Variants in DNAH3 observed in about 807,000 individuals in gnomAD.
The protein encoded by DNAH3 is axonemal beta dynein heavy chain 3.
Under a neutral mutation model 432.5 loss-of-function variants are expected in DNAH3, and 332 were observed. The ratio of observed to expected loss-of-function variants is 0.77; its 90% confidence interval spans 0.70 to 0.84. The LOEUF (loss-of-function observed/expected upper bound fraction) is 0.84. DNAH3 is among the 40% of genes least tolerant of loss of function. DNAH3 has a pLI of 0.00. For missense variants in DNAH3, 4,861 were observed against 5,114.0 expected, an observed-to-expected ratio of 0.95 and a Z score of 1.51; for synonymous variants, 1,956 against 1,900.2, an observed-to-expected ratio of 1.03 and a Z score of -0.76.
intron 31 of DNAH3, 31 bp downstream of exon 31, chr16:21,049,535 GCTT>G: frequency 6.3e-7 from 1 of 1,584,362 alleles, no homozygotes; most frequent in Non-Finnish European, 8.7e-7. Context: ...TCCATGCACA[GCTT>G]CTTTGTTCTG....
chr16:21,036,422 C>T (rs1259494764), intron 35 of DNAH3, among the ~76,000 whole-genome samples: 2 of 151,930 alleles, frequency 1.3e-5, no homozygotes, highest in Non-Finnish European at 2.9e-5. Context: ...TTTCTTTCTT[C>T]TTTTTTTTAA....
Position 20,987,460 on chromosome 16 carries a change from G to T in DNAH3, c.6883-12C>A, listed in dbSNP as rs1002734930. 6.2e-7 allele frequency: 1 copy of T among 1,613,818 alleles called. No individual in the cohort carries two copies. The highest frequency in any genetic ancestry group is 1.7e-5 in the Admixed American group (1 of 59,964). ...CATTTTTCTACATCCTAAAAATCCAGAGTTAATTATTCAAACGAGTGGAAG... is the reference window on the plus strand; with the variant it reads ...CATTTTTCTACATCCTAAAAATCCATAGTTAATTATTCAAACGAGTGGAAG... On this transcript the variant is annotated splice_polypyrimidine_tract_variant and intron_variant, in intron 46 of 61. Transcript: ENST00000261383.
At chr16:21,147,161 A>G (rs13339316) in intron 1 of DNAH3, among the ~76,000 whole-genome samples, 68,892 of 151,418 alleles carry the variant, frequency 0.45, 15,902 homozygotes, top group East Asian at 0.68. Flanking sequence ...TTCTGAGGAC[A>G]TCCCCAGTAC....
chr16:21,024,571 G>A, intron 39 of DNAH3, 25 bp downstream of exon 39: 1 of 1,532,866 alleles, frequency 6.5e-7, no homozygotes, highest in Non-Finnish European at 8.9e-7. Context: ...AGCAGGAGGG[G>A]AAGGAAAGGG....
At chr16:20,963,627 T>C (rs967136374) in exon 53 of DNAH3, 12 of 1,613,934 alleles carry the variant, frequency 7.4e-6, no homozygotes, top group Admixed American at 3.3e-5. Context: ...TCTCTGCCCA[T>C]GCCTTCTCAG....
chr16:20,952,491 G>T (rs777950411), exon 56 of DNAH3: 1 of 1,613,550 alleles, frequency 6.2e-7, no homozygotes, highest in East Asian at 2.2e-5. Flanking sequence ...GAAACATCTG[G>T]ATCTGCCACA....
intron 19 of DNAH3, 41 bp from the exon 20 acceptor site, chr16:21,081,768 C>T: frequency 6.6e-7 from 1 of 1,520,318 alleles, no homozygotes; most frequent in Non-Finnish European, 9.1e-7. Flanking sequence ...TTGTCCGAGG[C>T]AGTGCTGTCC....
intron 9 of DNAH3, among the ~76,000 whole-genome samples, chr16:21,123,453 AT>A (rs1343674846): frequency 6.6e-6 from 1 of 152,178 alleles, no homozygotes; most frequent in Non-Finnish European, 1.5e-5. Flanking sequence ...TTTGTGTGGA[AT>A]TTTAGAGTGA....
At chr16:20,964,875 T>C in exon 53 of DNAH3, 2 of 1,614,158 alleles carry the variant, frequency 1.2e-6, no homozygotes, top group African/African-American at 1.3e-5. Flanking sequence ...CCACAGTTCC[T>C]GAGGACAGCA....
chr16:20,998,172 AT>A, intron 43 of DNAH3, among the ~76,000 whole-genome samples: 1 of 152,210 alleles, frequency 6.6e-6, no homozygotes, highest in Non-Finnish European at 1.5e-5. Flanking sequence ...AGAGTATTTA[AT>A]TTGACCAGCA....
chr16:21,126,179 C>CA (rs1458405554), intron 8 of DNAH3, among the ~76,000 whole-genome samples: 1 of 137,810 alleles, frequency 7.3e-6, no homozygotes, highest in African/African-American at 2.8e-5. Context: ...AACAAACAAA[C>CA]AACAACAAAC....
chr16:20,989,187 G>C (rs915135762), intron 44 of DNAH3, among the ~76,000 whole-genome samples: 10 of 152,182 alleles, frequency 6.6e-5, no homozygotes, highest in African/African-American at 1.4e-4. Flanking sequence ...TGGTAGAGCC[G>C]AGTGGTCTGT....
chr16:21,140,676 G>A, exon 5 of DNAH3: 1 of 1,614,038 alleles, frequency 6.2e-7, no homozygotes, highest in Non-Finnish European at 8.5e-7. Flanking sequence ...TTCTTCATGG[G>A]TGAGAAGATT....
intron 21 of DNAH3, among the ~76,000 whole-genome samples, chr16:21,074,451 C>A (rs1325870481): frequency 6.6e-6 from 1 of 152,164 alleles, no homozygotes; most frequent in Non-Finnish European, 1.5e-5. Context: ...TGGTGGCTCA[C>A]ACCTGTAATC....
chr16:21,137,739 C>G (rs540882238), intron 5 of DNAH3, among the ~76,000 whole-genome samples: 1 of 152,154 alleles, frequency 6.6e-6, no homozygotes, highest in Admixed American at 6.5e-5. Flanking sequence ...TCTTCTTACC[C>G]AAGCAAGGGC....
chr16:21,059,500 C>A (rs2090265440), intron 26 of DNAH3, among the ~76,000 whole-genome samples: 1 of 152,108 alleles, frequency 6.6e-6, no homozygotes, highest in Admixed American at 6.6e-5. Flanking sequence ...GTCAGCCGGG[C>A]ACAGTGGCTC....
chr16:20,961,424 A>G (rs1043600375), intron 53 of DNAH3, among the ~76,000 whole-genome samples: 3 of 152,168 alleles, frequency 2.0e-5, no homozygotes, highest in Admixed American at 6.6e-5. Context: ...CAGCACACCA[A>G]CATGGCACAT....
intron 20 of DNAH3, among the ~76,000 whole-genome samples, chr16:21,080,274 G>C (rs1267198620): frequency 6.6e-6 from 1 of 152,298 alleles, no homozygotes; most frequent in South Asian, 2.1e-4. Flanking sequence ...TCTGGCCTGG[G>C]TGACAAAGTG....
intron 1 of DNAH3, among the ~76,000 whole-genome samples, chr16:21,156,208 T>A (rs1181793100): frequency 6.8e-6 from 1 of 147,868 alleles, no homozygotes; most frequent in Non-Finnish European, 1.5e-5. Flanking sequence ...TTATTTATTT[T>A]ATTTTATTTT....
Sources: allele counts gnomAD v4.1 joint callset (sites outside exome capture counted in the v4.1 genomes callset), GRCh38; gene constraint gnomAD v4.1.1; transcripts MANE v1.5; gene names NCBI Gene and HGNC (gene_info 2026-07-23, HGNC 2026-07-21).